The following ZNF469 variants were observed in gnomAD, a reference collection of about 807,000 sequenced individuals.
ZNF469 encodes zinc finger protein 469.
A neutral mutation model predicts 1.0 loss-of-function variants in ZNF469; 1 was observed. The observed-to-expected ratio is 1.00, with a 90% CI of 0.35 to 4.73. The LOEUF (loss-of-function observed/expected upper bound fraction) is 4.73, where lower values mean the gene tolerates loss of function less well. ZNF469 is among the 30% of genes most tolerant of loss of function. ZNF469 has a pLI of 0.16. For synonymous variants in ZNF469, 2,703 were observed against 2,363.4 expected, an observed-to-expected ratio of 1.14 and a Z score of -4.17; for missense variants, 6,100 against 5,356.3, an observed-to-expected ratio of 1.14 and a Z score of -4.33.
chr16:88,160,133 C>T, the ZNF469 span, among the ~76,000 whole-genome samples: 1 of 152,234 alleles, frequency 6.6e-6, no homozygotes, highest in Non-Finnish European at 1.5e-5. Context: ...CCGAAGGGTG[C>T]TGACCCCTGT....
At chr16:88,147,665 C>T in the ZNF469 span, among the ~76,000 whole-genome samples, 8 of 152,078 alleles carry the variant, frequency 5.3e-5, 1 homozygote, top group African/African-American at 1.9e-4. Flanking sequence ...TGCCCCCTGC[C>T]AGCTAGGGAG....
the ZNF469 span, among the ~76,000 whole-genome samples, chr16:88,217,617 G>A: frequency 9.4e-6 from 1 of 106,058 alleles, no homozygotes; most frequent in Non-Finnish European, 1.9e-5. Context: ...ACAGTCCCCA[G>A]AGTGTGATAT....
the ZNF469 span, among the ~76,000 whole-genome samples, chr16:88,340,056 T>A: frequency 1.3e-5 from 2 of 152,026 alleles, no homozygotes; most frequent in South Asian, 4.1e-4. Context: ...CAGTGCCAGG[T>A]CTGAGCCACG....
At chr16:88,222,249 G>T in the ZNF469 span, among the ~76,000 whole-genome samples, 2 of 152,176 alleles carry the variant, frequency 1.3e-5, no homozygotes, top group Non-Finnish European at 2.9e-5. Context: ...TTGATTCCCA[G>T]AGCTCACAGC....
the ZNF469 span, among the ~76,000 whole-genome samples, chr16:88,297,125 G>C: frequency 4.6e-5 from 7 of 152,244 alleles, no homozygotes; most frequent in Admixed American, 3.9e-4. Context: ...CGCAGGGGCT[G>C]CTTTCGGCTC....
intron 1 of ZNF469, among the ~76,000 whole-genome samples, chr16:88,411,137 G>A (rs1168430637): frequency 6.6e-6 from 1 of 152,186 alleles, no homozygotes; most frequent in East Asian, 1.9e-4. Context: ...ACATTCGTAG[G>A]TGCTGGGGTT....
At chr16:88,183,619 G>T in the ZNF469 span, among the ~76,000 whole-genome samples, 2 of 152,240 alleles carry the variant, frequency 1.3e-5, no homozygotes, top group South Asian at 4.1e-4. Flanking sequence ...GTTGGAGGCC[G>T]GGAAGGGGCC....
At chr16:88,280,029 G>C in the ZNF469 span, among the ~76,000 whole-genome samples, 3 of 151,662 alleles carry the variant, frequency 2.0e-5, no homozygotes, top group Non-Finnish European at 2.9e-5. Flanking sequence ...CACTCAGTCA[G>C]TACCGTGTAG....
Position 88,432,764 on chromosome 16 carries a change from T to A in ZNF469, c.5294T>A (p.Leu1765Gln). Residue 1765 changes from leucine (L) to glutamine (Q), a missense_variant, in exon 3 of 3, where the codon CTG becomes CAG. Coordinates refer to ENST00000565624, the MANE Select transcript of ZNF469 (RefSeq NM_001367624.2). ...AASSQESEDS[L>Q]RLLPCEQRGG... ...AGCTCACAAGAAAGTGAAGACTCCC[T>A]GCGGCTGCTTCCCTGTGAACAGAGA... The A allele has an allele frequency of 6.4e-7, 1 of 1,550,406 alleles. No individual in the cohort carries two copies. Among genetic ancestry groups the A allele is most frequent in the African/African-American group, 1.4e-5 (1 of 73,174 alleles).
At position 88,427,405 on chromosome 16, in the gene ZNF469, G is replaced by A. The variant is rs1276081471; in HGVS notation, c.-66G>A. 5.5e-5 allele frequency: 78 copies of A among 1,420,400 alleles called. No individual in the cohort carries two copies. The highest frequency in any genetic ancestry group is 6.4e-5 in the Non-Finnish European group (69 of 1,085,982). 88.0% of individuals were successfully genotyped at this position (1,420,400 alleles called of 1,614,324 possible). Reference sequence around the variant, plus strand: ...GGCCCATCGAGGGCTGAGGATGGCCGTCCAGCCCACTCCCCAGGGCCCCCC... The same window carrying A: ...GGCCCATCGAGGGCTGAGGATGGCCATCCAGCCCACTCCCCAGGGCCCCCC... On this transcript the variant is annotated 5_prime_UTR_variant, in exon 3 of 3. Coordinates refer to ENST00000565624, the MANE Select transcript of ZNF469 (RefSeq NM_001367624.2).
chr16:88,375,953 T>C, the ZNF469 span, among the ~76,000 whole-genome samples: 2 of 152,268 alleles, frequency 1.3e-5, no homozygotes, highest in Non-Finnish European at 2.9e-5. Context: ...ATAAGCCATT[T>C]GGAGAGGAAA....
upstream of ZNF469, among the ~76,000 whole-genome samples, chr16:88,381,449 T>C (rs1470241173): frequency 1.3e-5 from 2 of 151,934 alleles, no homozygotes; most frequent in South Asian, 2.1e-4. Context: ...GGTTTGGAAA[T>C]TGAAGTCTTT....
the ZNF469 span, among the ~76,000 whole-genome samples, chr16:88,206,107 A>T: frequency 2.6e-5 from 4 of 152,156 alleles, no homozygotes; most frequent in Non-Finnish European, 5.9e-5. Context: ...GTTTTCCATG[A>T]TCTCTCACTC....
the ZNF469 span, among the ~76,000 whole-genome samples, chr16:88,338,607 A>G: frequency 6.6e-6 from 1 of 152,192 alleles, no homozygotes; most frequent in African/African-American, 2.4e-5. Context: ...CTGGGTGAAC[A>G]TTGCCCCCAA....
chr16:88,250,530 C>G, the ZNF469 span, among the ~76,000 whole-genome samples: 3 of 152,212 alleles, frequency 2.0e-5, no homozygotes, highest in Non-Finnish European at 4.4e-5. Flanking sequence ...TGCACCAAAT[C>G]TGGGAAGTTT....
the ZNF469 span, among the ~76,000 whole-genome samples, chr16:88,230,446 A>G: frequency 6.6e-6 from 1 of 152,176 alleles, no homozygotes; most frequent in African/African-American, 2.4e-5. Flanking sequence ...GCTGATGAGC[A>G]GGGGTCACTG....
chr16:88,301,199 G>C, the ZNF469 span, among the ~76,000 whole-genome samples: 1 of 151,912 alleles, frequency 6.6e-6, no homozygotes, highest in Non-Finnish European at 1.5e-5. Context: ...CTGTCACCTG[G>C]GCTAGAGTGC....
chr16:88,439,078 C>A lies in ZNF469; in HGVS notation c.11608C>A (p.Pro3870Thr), dbSNP rs1171977726. 1 of 1,550,832 alleles carries A rather than the reference C, an allele frequency of 6.4e-7. No individual in the cohort carries two copies. Reference protein sequence around the residue: ...TKPKPNSQNKPRPPPSEQRKA... With the variant: ...TKPKPNSQNKTRPPPSEQRKA... ...GCCCAAGCCCAACAGCCAGAACAAA[C>A]CCAGGCCGCCACCATCAGAGCAGCG... The change falls in exon 3 of 3, where the codon CCC (proline) becomes ACC (threonine). Residue 3870 changes from proline to threonine, a missense_variant. Coordinates refer to ENST00000565624, the MANE Select transcript of ZNF469 (RefSeq NM_001367624.2).
chr16:88,203,552 C>A, the ZNF469 span, among the ~76,000 whole-genome samples: 3,739 of 152,262 alleles, frequency 0.025, 71 homozygotes, highest in Non-Finnish European at 0.036. Flanking sequence ...GTGGAATTCA[C>A]TCCCTCTCAG....
Sources: allele counts gnomAD v4.1 joint callset (sites outside exome capture counted in the v4.1 genomes callset), GRCh38; gene constraint gnomAD v4.1.1; transcripts MANE v1.5; gene names NCBI Gene and HGNC (gene_info 2026-07-23, HGNC 2026-07-21).